LCOR: variants seen among roughly 807,000 people sequenced by gnomAD.
LCOR encodes the protein ligand dependent nuclear receptor corepressor, also known as ligand-dependent corepressor.
In LCOR, 14 loss-of-function variants were observed where a neutral mutation model predicts 64.4. The ratio of observed to expected loss-of-function variants is 0.22; its 90% CI spans 0.14 to 0.34. The LOEUF is 0.34. Ranked by LOEUF, LCOR falls within the 10% of genes least tolerant of loss-of-function variation. The pLI is 1.00. For missense variants in LCOR, 1,686 were observed against 1,765.3 expected, an observed-to-expected ratio of 0.96 and a Z score of 0.80; for synonymous variants, 643 against 642.5, an observed-to-expected ratio of 1.00 and a Z score of -0.01.
intron 4 of LCOR, among the ~76,000 whole-genome samples, chr10:96,941,542 A>ACC (rs574987146): frequency 4.7e-4 from 31 of 66,166 alleles, no homozygotes; most frequent in African/African-American, 1.5e-3. Context: ...CGGGGGGCTG[A>ACC]CCCCCCCCAC....
chr10:96,915,750 C>G, intron 4 of LCOR: 2 of 639,290 alleles, frequency 3.1e-6, no homozygotes, highest in Non-Finnish European at 3.0e-6. Context: ...CCTTTGGGTA[C>G]CTTCTCTCCC....
intron 2 of LCOR, among the ~76,000 whole-genome samples, chr10:96,880,575 TG>T (rs1275717372): frequency 2.0e-5 from 3 of 152,190 alleles, no homozygotes; most frequent in Non-Finnish European, 1.5e-5. Flanking sequence ...TTGTTGTATT[TG>T]TAGTAGAGAT....
At chr10:96,832,941 C>T (rs1411347144) in intron 1 of LCOR, 7 of 973,280 alleles carry the variant, frequency 7.2e-6, no homozygotes, top group Admixed American at 6.2e-5. Context: ...GGCGGGCGCC[C>T]GGCGCTCGGG....
At chr10:96,937,461 A>G (rs1847370369) in intron 4 of LCOR, among the ~76,000 whole-genome samples, 2 of 152,232 alleles carry the variant, frequency 1.3e-5, no homozygotes, top group Admixed American at 6.5e-5. Flanking sequence ...AGTAATTTAT[A>G]AACTCCCATC....
intron 4 of LCOR, among the ~76,000 whole-genome samples, chr10:96,916,759 C>T (rs1465004997): frequency 1.3e-5 from 2 of 151,878 alleles, no homozygotes; most frequent in East Asian, 1.9e-4. Context: ...GGACTACAGG[C>T]GCACGCCACC....
intron 2 of LCOR, among the ~76,000 whole-genome samples, chr10:96,900,331 T>C (rs555910229): frequency 6.6e-6 from 1 of 152,114 alleles, no homozygotes; most frequent in African/African-American, 2.4e-5. Context: ...TTAGTTCTTT[T>C]AAGTCATCCT....
intron 2 of LCOR, among the ~76,000 whole-genome samples, chr10:96,871,938 C>A (rs980163986): frequency 3.9e-5 from 6 of 152,134 alleles, no homozygotes; most frequent in African/African-American, 1.4e-4. Flanking sequence ...TTCATAGAGT[C>A]AAGATAGAAT....
At position 96,906,745 on chromosome 10, in the gene LCOR, T is replaced by G. The variant is rs566367001; in HGVS notation, c.-329-520T>G. Reference sequence around the variant, plus strand: ...TGGCAATGTTAAATACTTACAAAAGTCTTTTAAAAGTCTTGTACCTTCTTT... The same window carrying G: ...TGGCAATGTTAAATACTTACAAAAGGCTTTTAAAAGTCTTGTACCTTCTTT... On this transcript the variant is annotated intron_variant, in intron 2 of 7. Coordinates refer to ENST00000421806, the MANE Select transcript of LCOR (RefSeq NM_001346516.2). 4.9e-4 allele frequency among the ~76,000 whole-genome samples: 74 copies of G among 152,324 alleles called. 1 individual carries two copies. The South Asian group carries it at 0.014, about 29-fold the overall frequency.
intron 4 of LCOR, among the ~76,000 whole-genome samples, chr10:96,929,131 C>CT (rs1847215170): frequency 6.6e-6 from 1 of 152,238 alleles, no homozygotes. Flanking sequence ...CTGGCTTCAA[C>CT]TTTGGTCACC....
rs1384673987 is a variant in LCOR, at chr10:96,862,883, C to CT, written c.-330+29418dup. Reference sequence around the variant, plus strand: ...TAATATGTTTTCTTTCTTTTCTTTTCTTTTTTTTTTTTTTGAAACAGAGTT... The same window carrying CT: ...TAATATGTTTTCTTTCTTTTCTTTTCTTTTTTTTTTTTTTTGAAACAGAGTT... On this transcript the variant is annotated intron_variant, in intron 2 of 7. Coordinates refer to ENST00000421806, the MANE Select transcript of LCOR (RefSeq NM_001346516.2). Among the ~76,000 whole-genome samples, 268 of 142,058 alleles carry CT rather than the reference C, an allele frequency of 1.9e-3. 1 individual carries two copies. The highest frequency in any genetic ancestry group is 3.7e-3 in the Middle Eastern group (1 of 272). 93.2% of individuals were successfully genotyped at this position (142,058 alleles called of 152,430 possible).
rs376680675 is a variant in LCOR at position 96,982,204 on chromosome 10, G to A, written c.1744G>A (p.Val582Ile). 2.4e-5 allele frequency: 39 copies of A among 1,614,144 alleles called. No individual in the cohort carries two copies. The African/African-American group carries it at 2.9e-4, about 12-fold the overall frequency. Residue 582 changes from valine (V) to isoleucine (I), a missense_variant, in exon 8 of 8, where the codon GTT (valine) becomes ATT (isoleucine). Around this residue, in one of 3 missense-constraint regions of LCOR, gnomAD observed 1,293 missense variants for 1,410.4 expected, o/e 0.92. Coordinates refer to ENST00000421806, the MANE Select transcript of LCOR (RefSeq NM_001346516.2). The part of the protein sequence containing the change: ...ITSHEEGGGD[V>I]SPRKEPQEPE... ...CTCTCACGAGGAAGGAGGTGGAGAC[G>A]TTTCACCTCGAAAAGAACCTCAAGA...
At chr10:96,868,700 A>G (rs1846019661) in intron 2 of LCOR, among the ~76,000 whole-genome samples, 1 of 152,322 alleles carries the variant, frequency 6.6e-6, no homozygotes, top group South Asian at 2.1e-4. Context: ...CCCCAGCAGT[A>G]TTATACTATT....
At chr10:96,949,387 C>A in intron 6 of LCOR, 92 bp downstream of exon 6, 2 of 1,097,902 alleles carry the variant, frequency 1.8e-6, no homozygotes, top group Non-Finnish European at 2.7e-6. Flanking sequence ...GCATCAGCAG[C>A]AATAATAGCA....
intron 7 of LCOR, among the ~76,000 whole-genome samples, chr10:96,973,607 G>A (rs192610636): frequency 2.0e-5 from 3 of 152,286 alleles, no homozygotes; most frequent in African/African-American, 7.2e-5. Context: ...TTGAAGAGGG[G>A]GTGAGGAAGC....
Position 96,981,254 on chromosome 10 carries a change from G to A in LCOR, c.794G>A (p.Ser265Asn), listed in dbSNP as rs1293826540. The change falls in exon 8 of 8, where the codon AGT (serine) becomes AAT (asparagine). Residue 265 changes from serine (S) to asparagine (N), a missense_variant. Coordinates refer to ENST00000421806, the MANE Select transcript of LCOR (RefSeq NM_001346516.2). ...TCTATTAATAGCAGTTCAGTGGATA[G>A]TTTCACTCCGGGATACCTCACTGCA... is the stretch of plus-strand genomic sequence containing the variant. Reference protein sequence around the residue: ...SNSINSSSVDSFTPGYLTASN... With the variant: ...SNSINSSSVDNFTPGYLTASN... 9.7e-7 allele frequency: 1 copy of A among 1,032,218 alleles called. No homozygotes were observed. The highest frequency in any genetic ancestry group is 2.5e-5 in the East Asian group (1 of 39,346). 63.9% of individuals were successfully genotyped at this position (1,032,218 alleles called of 1,614,324 possible). A position where few individuals can be genotyped will look rare whatever the true frequency, so the allele number is the denominator to read the frequency against.
intron 2 of LCOR, among the ~76,000 whole-genome samples, chr10:96,883,864 T>C: frequency 6.6e-6 from 1 of 152,212 alleles, no homozygotes; most frequent in East Asian, 1.9e-4. Context: ...TACATATTTG[T>C]GGTGTCCAAC....
chr10:96,966,769 C>T (rs904875935), intron 7 of LCOR, among the ~76,000 whole-genome samples: 46 of 151,636 alleles, frequency 3.0e-4, no homozygotes, highest in East Asian at 2.0e-4. Flanking sequence ...GGATCTCATT[C>T]TTATCTCCCA....
intron 2 of LCOR, among the ~76,000 whole-genome samples, chr10:96,849,805 G>C (rs1228641837): frequency 6.6e-6 from 1 of 151,618 alleles, no homozygotes; most frequent in African/African-American, 2.4e-5. Flanking sequence ...TGTGTCAGTG[G>C]CAGGATCCCC....
intron 2 of LCOR, among the ~76,000 whole-genome samples, chr10:96,859,384 G>A (rs1165804295): frequency 6.6e-6 from 1 of 152,022 alleles, no homozygotes; most frequent in Non-Finnish European, 1.5e-5. Flanking sequence ...TAATTTTTTT[G>A]TATTTTTAGT....
Sources: allele counts gnomAD v4.1 joint callset (sites outside exome capture counted in the v4.1 genomes callset), GRCh38; gene constraint gnomAD v4.1.1; regional missense constraint gnomAD v4.1.1; transcripts MANE v1.5; gene names NCBI Gene and HGNC (gene_info 2026-07-23, HGNC 2026-07-21).